Variants in ZHX3 observed in about 807,000 individuals in gnomAD.
ZHX3 encodes the protein zinc fingers and homeoboxes 3.
ZHX3 carries 20 observed loss-of-function variants against 64.5 expected under a neutral mutation model. The ratio of observed to expected loss-of-function variants is 0.31; its 90% confidence interval spans 0.22 to 0.45. The LOEUF (loss-of-function observed/expected upper bound fraction) is 0.45. ZHX3 is among the 20% of genes least tolerant of loss of function. The pLI, the probability that ZHX3 is intolerant of heterozygous loss-of-function variation, is 1.00. For missense variants in ZHX3, 1,041 were observed against 1,195.8 expected (o/e 0.87, Z 1.91); for synonymous variants, 423 against 461.6 (o/e 0.92, Z 1.07).
chr20:41,312,666 G>A (rs2045174735), intron 1 of ZHX3, among the ~76,000 whole-genome samples: 1 of 152,218 alleles, frequency 6.6e-6, no homozygotes, highest in Admixed American at 6.5e-5. Flanking sequence ...TGTTTTAGCT[G>A]AGACTGGACG....
chr20:41,302,462 C>T (rs2146814006), intron 1 of ZHX3, among the ~76,000 whole-genome samples: 1 of 152,352 alleles, frequency 6.6e-6, no homozygotes, highest in South Asian at 2.1e-4. Context: ...GCCCCTTGGC[C>T]CTTCCCGAAC....
At chr20:41,205,248 A>C (rs952524015) in intron 2 of ZHX3, among the ~76,000 whole-genome samples, 182 bp from the exon 3 acceptor site, 3 of 152,156 alleles carry the variant, frequency 2.0e-5, no homozygotes, top group Non-Finnish European at 4.4e-5. Flanking sequence ...CTGGACCCTG[A>C]AGAATGACCT....
At chr20:41,252,896 C>A (rs768154833) in intron 2 of ZHX3, among the ~76,000 whole-genome samples, 28 of 152,246 alleles carry the variant, frequency 1.8e-4, no homozygotes, top group Non-Finnish European at 3.2e-4. Context: ...ATGTAAGATG[C>A]CTCCTTGTTG....
Position 41,317,576 on chromosome 20 carries a change from C to T in ZHX3, c.-312G>A, listed in dbSNP as rs911836066. On this transcript the variant is annotated 5_prime_UTR_variant, in exon 1 of 4. Transcript: ENST00000683867. ...TTCCCGCGCTGCGGGCCTCCCTCCC[C>T]GCGGCCGGGCGGGCGGCCGGCGCAG... The T allele has an allele frequency of 2.0e-5, 3 of 147,254 alleles. No homozygotes were observed. The highest frequency in any genetic ancestry group is 2.0e-4 in the South Asian group (1 of 4,918). The allele number at this position is 147,254 out of a possible 1,614,324, so 9.1% of individuals were successfully genotyped here.
intron 2 of ZHX3, among the ~76,000 whole-genome samples, chr20:41,256,636 A>G (rs2042267967): frequency 6.7e-6 from 1 of 148,818 alleles, no homozygotes; most frequent in African/African-American, 2.5e-5. Context: ...CAACCTGTGT[A>G]TCTAGCATGC....
At chr20:41,225,962 A>T (rs2040242058) in intron 2 of ZHX3, among the ~76,000 whole-genome samples, 1 of 152,170 alleles carries the variant, frequency 6.6e-6, no homozygotes, top group Non-Finnish European at 1.5e-5. Flanking sequence ...CTACTTTCTA[A>T]GAGTTTGACT....
At chr20:41,210,887 T>C (rs1033386895) in intron 2 of ZHX3, among the ~76,000 whole-genome samples, 1 of 152,142 alleles carries the variant, frequency 6.6e-6, no homozygotes, top group East Asian at 1.9e-4. Flanking sequence ...TAAGTATTTT[T>C]TTAAAAGAAA....
At chr20:41,240,927 T>C (rs763306465) in intron 2 of ZHX3, among the ~76,000 whole-genome samples, 12 of 152,226 alleles carry the variant, frequency 7.9e-5, no homozygotes, top group East Asian at 1.9e-4. Flanking sequence ...GATGGGCACA[T>C]AGGTTGCCTT....
At chr20:41,253,277 A>G (rs779679415) in intron 2 of ZHX3, among the ~76,000 whole-genome samples, 62 of 151,902 alleles carry the variant, frequency 4.1e-4, no homozygotes, top group Non-Finnish European at 7.2e-4. Context: ...GACTTGGAGT[A>G]AAAGTGTCCC....
intron 3 of ZHX3, among the ~76,000 whole-genome samples, chr20:41,199,553 G>A (rs1373750536): frequency 2.0e-5 from 3 of 151,682 alleles, no homozygotes; most frequent in African/African-American, 7.3e-5. Flanking sequence ...TTGCCAAAAG[G>A]AGGAATAAAG....
At chr20:41,249,712 A>G (rs2041893566) in intron 2 of ZHX3, among the ~76,000 whole-genome samples, 1 of 152,244 alleles carries the variant, frequency 6.6e-6, no homozygotes, top group African/African-American at 2.4e-5. Flanking sequence ...CCGTTCAGAC[A>G]AGATGGTCTA....
In ZHX3 at chr20:41,203,920, C is replaced by A. The variant is rs1468973471; in HGVS notation, c.997G>T (p.Glu333Ter). Residue 333 changes from glutamate to a stop codon, truncating the protein, a stop_gained, in exon 3 of 4, where the codon GAG (glutamate) becomes TAG (stop). Transcript: ENST00000683867. LOFTEE classifies it high-confidence loss of function. This position sits in a 1 kb window ranked among gnomAD's most constrained non-coding sequence, Gnocchi z 7.1. Reference protein sequence around the residue: ...FHKFPYPTKAELCYLTVVTKY... With the variant: ...FHKFPYPTKA ...GTCACCACAGTCAAATAGCAGAGCT[C>A]GGCTTTGGTGGGGTAGGGGAACTTG... 6.2e-7 allele frequency: 1 copy of A among 1,614,092 alleles called. No homozygotes were observed. The highest frequency in any genetic ancestry group is 8.5e-7 in the Non-Finnish European group (1 of 1,180,048).
chr20:41,286,660 T>TAG (rs2043951571), intron 1 of ZHX3, among the ~76,000 whole-genome samples: 1 of 152,216 alleles, frequency 6.6e-6, no homozygotes, highest in African/African-American at 2.4e-5. Flanking sequence ...ATGATCTATC[T>TAG]TCCCCACTCC....
At chr20:41,283,744 G>A (rs190198960) in intron 1 of ZHX3, among the ~76,000 whole-genome samples, 9 of 137,242 alleles carry the variant, frequency 6.6e-5, no homozygotes, top group East Asian at 2.3e-4. Context: ...GCGACAGAAC[G>A]AGTCTCCATC....
intron 2 of ZHX3, among the ~76,000 whole-genome samples, chr20:41,245,966 C>G (rs140467872): frequency 2.6e-5 from 4 of 152,334 alleles, no homozygotes; most frequent in African/African-American, 9.6e-5. Flanking sequence ...AATGCTGGAA[C>G]CTCAAGTCTC....
chr20:41,229,748 T>G (rs1299468537), intron 2 of ZHX3, among the ~76,000 whole-genome samples: 1 of 152,196 alleles, frequency 6.6e-6, no homozygotes, highest in Non-Finnish European at 1.5e-5. Context: ...AATCAGGTTG[T>G]CTGGGGTTTT....
chr20:41,185,196 C>G lies in ZHX3; in HGVS notation c.2866G>C (p.Asp956His), dbSNP rs377247258. 9 of 1,608,592 alleles carry G rather than the reference C, an allele frequency of 5.6e-6. No individual in the cohort carries two copies. Among genetic ancestry groups the G allele is most frequent in the Non-Finnish European group, 7.6e-6 (9 of 1,177,100 alleles). ...SPQAGRQLET[D>H] The stretch of plus-strand genomic sequence containing the variant: ...TCACATTAATCAGATCAAATTCAGT[C>G]TGTTTCTGAGAAGAAAACACATGCC... Residue 956 changes from aspartate (D) to histidine (H), a missense_variant, in exon 4 of 4, where the codon GAC (aspartate) becomes CAC (histidine). This residue lies in a region of ZHX3 where 649 missense variants were observed against 739.8 expected (regional missense o/e 0.88). Transcript: ENST00000683867. This position sits in a 1 kb window ranked among gnomAD's most constrained non-coding sequence, Gnocchi z 5.0.
chr20:41,212,797 CA>C lies in ZHX3; in HGVS notation c.-150-7732del, dbSNP rs1367982723. ...GGGCAACAAGAGCTAAACTGTGTCT[CA>C]AAAAAAAAAAACCAAAAACAAAACA... On this transcript the variant is annotated intron_variant, in intron 2 of 3. Coordinates refer to ENST00000683867, the MANE Select transcript of ZHX3 (RefSeq NM_001384317.1). The surrounding 1 kb of genome is among the most constrained non-coding windows in gnomAD (Gnocchi z 4.3). Among the ~76,000 whole-genome samples, 45 of 123,856 alleles carry C rather than the reference CA, an allele frequency of 3.6e-4. No homozygotes were observed. The highest frequency in any genetic ancestry group is 5.3e-4 in the African/African-American group (18 of 33,802). 81.3% of individuals were successfully genotyped at this position (123,856 alleles called of 152,430 possible).
intron 2 of ZHX3, among the ~76,000 whole-genome samples, chr20:41,246,105 C>T (rs1482027212): frequency 6.6e-6 from 1 of 152,206 alleles, no homozygotes; most frequent in African/African-American, 2.4e-5. Flanking sequence ...TTCCTAGGCC[C>T]TAAACACAGA....
Sources: gnomAD v4.1 joint callset for allele counts (sites outside exome capture counted in the v4.1 genomes callset) on GRCh38, gnomAD v4.1.1 for gene constraint, gnomAD v4.1.1 regional missense constraint, Gnocchi (gnomAD v3.1) non-coding constraint, MANE v1.5 for transcripts, NCBI Gene and HGNC (gene_info 2026-07-23, HGNC 2026-07-21) for gene names.